FSTL5: variants seen among roughly 807,000 people sequenced by gnomAD.
The protein encoded by FSTL5 is follistatin like 5.
FSTL5 carries 62 observed loss-of-function variants against 89.1 expected under a neutral mutation model. The observed-to-expected ratio is 0.70, with a 90% CI of 0.57 to 0.86. The LOEUF is 0.86. Among genes scored for constraint, FSTL5 ranks in the 40% least tolerant of loss-of-function variants. The pLI is 0.00. For missense variants in FSTL5, 1,057 were observed against 1,001.6 expected (o/e 1.06, Z -0.75); for synonymous variants, 383 against 346.2 (o/e 1.11, Z -1.18).
chr4:161,383,920 C>G lies in FSTL5; in HGVS notation c.*1827G>C, dbSNP rs984978941. On this transcript the variant is annotated 3_prime_UTR_variant, in exon 16 of 16. Coordinates refer to ENST00000306100, the MANE Select transcript of FSTL5 (RefSeq NM_020116.5). Reference sequence around the variant, plus strand: ...GGTTAAAATGTAAGAGGTTTATTCTCCTTTTATCAAGCAGTGTCTACAGAC... The same window carrying G: ...GGTTAAAATGTAAGAGGTTTATTCTGCTTTTATCAAGCAGTGTCTACAGAC... 6.6e-6 allele frequency: 1 copy of G among 152,008 alleles called. No individual in the cohort carries two copies. Among genetic ancestry groups the G allele is most frequent in the Non-Finnish European group, 1.5e-5 (1 of 67,990 alleles). 9.4% of individuals were successfully genotyped at this position (152,008 alleles called of 1,614,324 possible).
intron 1 of FSTL5, among the ~76,000 whole-genome samples, chr4:162,156,820 A>G (rs1027268979): frequency 6.6e-6 from 1 of 152,132 alleles, no homozygotes; most frequent in African/African-American, 2.4e-5. Context: ...TGGTGGGATC[A>G]CTCATACCCC....
chr4:161,613,782 GTGAC>G (rs1421616503), intron 7 of FSTL5, among the ~76,000 whole-genome samples: 2 of 152,056 alleles, frequency 1.3e-5, no homozygotes, highest in Admixed American at 6.6e-5. Flanking sequence ...TATTTGGTTT[GTGAC>G]TGACTAAATT....
intron 4 of FSTL5, among the ~76,000 whole-genome samples, chr4:161,841,156 T>C (rs1007632690): frequency 2.0e-5 from 3 of 152,172 alleles, no homozygotes; most frequent in African/African-American, 7.2e-5. Context: ...CACACTTCTA[T>C]AAACAGTTCC....
At chr4:161,614,943 T>G (rs1734791240) in intron 7 of FSTL5, among the ~76,000 whole-genome samples, 1 of 152,114 alleles carries the variant, frequency 6.6e-6, no homozygotes, top group Non-Finnish European at 1.5e-5. Context: ...TTCATTGAGA[T>G]GACAGAAACT....
At chr4:161,406,893 G>A (rs934484454) in intron 15 of FSTL5, among the ~76,000 whole-genome samples, 7 of 152,012 alleles carry the variant, frequency 4.6e-5, no homozygotes, top group African/African-American at 1.7e-4. Flanking sequence ...GCCCACACCC[G>A]CCTTTTTTAA....
At chr4:162,096,881 T>G (rs906446631) in intron 2 of FSTL5, among the ~76,000 whole-genome samples, 1 of 152,062 alleles carries the variant, frequency 6.6e-6, no homozygotes, top group African/African-American at 2.4e-5. Context: ...TGATACATGA[T>G]TGAATCTATA....
Position 162,118,570 on chromosome 4 carries a change from T to C in FSTL5, c.-16-7158A>G, listed in dbSNP as rs1337750364. Among the ~76,000 whole-genome samples, 3 of 152,286 alleles carry C rather than the reference T, an allele frequency of 2.0e-5. No homozygotes were observed. In the East Asian group the frequency reaches 5.8e-4, roughly 29 times the overall value. On this transcript the variant is annotated intron_variant, in intron 1 of 15. Coordinates refer to ENST00000306100, the MANE Select transcript of FSTL5 (RefSeq NM_020116.5). Reference sequence around the variant, plus strand: ...GAAGAGTCCAGTTTTATAAGAGCAATGGATTCCCTCTTTCAGAGAAGTGGA... The same window carrying C: ...GAAGAGTCCAGTTTTATAAGAGCAACGGATTCCCTCTTTCAGAGAAGTGGA...
At chr4:161,908,625 T>C (rs1733604340) in intron 4 of FSTL5, among the ~76,000 whole-genome samples, 1 of 152,054 alleles carries the variant, frequency 6.6e-6, no homozygotes, top group African/African-American at 2.4e-5. Flanking sequence ...GCTAAGTCAA[T>C]CTATATTCCA....
chr4:161,533,831 C>T (rs1247525031), intron 10 of FSTL5, among the ~76,000 whole-genome samples: 3 of 151,818 alleles, frequency 2.0e-5, no homozygotes, highest in African/African-American at 7.3e-5. Flanking sequence ...CAAAAATCCT[C>T]AATAAAGTAC....
At chr4:161,835,394 C>A (rs1731003618) in intron 4 of FSTL5, among the ~76,000 whole-genome samples, 1 of 152,074 alleles carries the variant, frequency 6.6e-6, no homozygotes, top group Admixed American at 6.6e-5. Context: ...TAGGCATAGG[C>A]AAGGACTTCA....
intron 15 of FSTL5, among the ~76,000 whole-genome samples, chr4:161,396,070 T>A (rs779882405): frequency 4.6e-5 from 7 of 151,928 alleles, no homozygotes; most frequent in African/African-American, 7.3e-5. Flanking sequence ...GCCTTCCCTC[T>A]TAGAGTACTG....
intron 15 of FSTL5, among the ~76,000 whole-genome samples, chr4:161,403,441 G>T (rs1731253896): frequency 6.6e-6 from 1 of 152,106 alleles, no homozygotes. Flanking sequence ...TTATCACTAT[G>T]GAAATGTATC....
At chr4:161,991,607 C>A (rs890017112) in intron 3 of FSTL5, among the ~76,000 whole-genome samples, 2 of 152,066 alleles carry the variant, frequency 1.3e-5, no homozygotes, top group Non-Finnish European at 2.9e-5. Context: ...AAAGACAGAT[C>A]AAGAATACTG....
intron 4 of FSTL5, among the ~76,000 whole-genome samples, chr4:161,909,932 T>G (rs919709327): frequency 1.3e-5 from 2 of 152,172 alleles, no homozygotes; most frequent in African/African-American, 4.8e-5. Context: ...ATTGAATATA[T>G]GTGTGTAGTT....
At chr4:162,153,595 ATG>A (rs1173886415) in intron 1 of FSTL5, among the ~76,000 whole-genome samples, 2 of 143,962 alleles carry the variant, frequency 1.4e-5, no homozygotes, top group African/African-American at 5.1e-5. Context: ...AACTATATAT[ATG>A]TGTGTGTATA....
At chr4:161,813,093 C>A (rs1730211796) in intron 4 of FSTL5, among the ~76,000 whole-genome samples, 1 of 150,762 alleles carries the variant, frequency 6.6e-6, no homozygotes, top group South Asian at 2.1e-4. Context: ...GTGACGCAAT[C>A]TCGGCTAACT....
At chr4:161,394,145 G>A (rs1351002236) in intron 15 of FSTL5, among the ~76,000 whole-genome samples, 2 of 152,276 alleles carry the variant, frequency 1.3e-5, no homozygotes, top group Admixed American at 6.5e-5. Context: ...TATCAACTTT[G>A]CAAGTGGGGA....
chr4:161,843,397 C>T (rs1474271289), intron 4 of FSTL5, among the ~76,000 whole-genome samples: 1 of 152,148 alleles, frequency 6.6e-6, no homozygotes, highest in Non-Finnish European at 1.5e-5. Flanking sequence ...TGTCCATGAG[C>T]TTGGAATGTT....
chr4:161,999,137 T>A (rs1159480207), intron 3 of FSTL5, among the ~76,000 whole-genome samples: 3 of 152,178 alleles, frequency 2.0e-5, no homozygotes, highest in African/African-American at 4.8e-5. Flanking sequence ...TAGAATTTTA[T>A]TTTTAGTTTA....
Sources: allele counts gnomAD v4.1 joint callset (sites outside exome capture counted in the v4.1 genomes callset), GRCh38; gene constraint gnomAD v4.1.1; transcripts MANE v1.5; gene names NCBI Gene and HGNC (gene_info 2026-07-23, HGNC 2026-07-21).